Variants in MAGI3 observed in about 807,000 individuals in gnomAD.
The protein encoded by MAGI3 is membrane-associated guanylate kinase, WW and PDZ domain-containing protein 3.
A neutral mutation model predicts 121.8 loss-of-function variants in MAGI3; 43 were observed. That is an observed-to-expected ratio of 0.35 (90% CI 0.28 to 0.46). The LOEUF is 0.46. MAGI3 is among the 20% of genes least tolerant of loss of function. The pLI is 1.00. For synonymous variants in MAGI3, 553 were observed against 639.3 expected (o/e 0.86, Z 2.04); for missense variants, 1,547 against 1,797.3 (o/e 0.86, Z 2.52).
chr1:113,622,454 G>C (rs1650887445), intron 8 of MAGI3, among the ~76,000 whole-genome samples: 2 of 152,116 alleles, frequency 1.3e-5, no homozygotes, highest in Non-Finnish European at 2.9e-5. Flanking sequence ...ATAAATCAAA[G>C]ACTGCAGAAA....
chr1:113,602,288 A>T (rs1649451320), intron 6 of MAGI3, among the ~76,000 whole-genome samples: 2 of 152,178 alleles, frequency 1.3e-5, no homozygotes, highest in African/African-American at 4.8e-5. Flanking sequence ...AGTGGAATAA[A>T]ACTAGAAATC....
intron 9 of MAGI3, among the ~76,000 whole-genome samples, chr1:113,641,029 ATG>A (rs375420609): frequency 0.028 from 610 of 21,686 alleles, 17 homozygotes; most frequent in Non-Finnish European, 0.043. Flanking sequence ...TATAATATAT[ATG>A]ATATATATAA....
chr1:113,547,550 C>T lies in MAGI3; in HGVS notation c.317-1965C>T, dbSNP rs550377794. On this transcript the variant is annotated intron_variant, in intron 1 of 20. Coordinates refer to ENST00000307546, the MANE Select transcript of MAGI3 (RefSeq NM_001142782.2). ...AAAACACCTTTAGACAACTATATAG[C>T]GATCTACGAAAACTTTTGTATAACA... 3.0e-4 allele frequency among the ~76,000 whole-genome samples: 46 copies of T among 152,198 alleles called. No individual in the cohort carries two copies. In the South Asian group the frequency reaches 5.4e-3, roughly 18 times the overall value.
chr1:113,480,572 GTGC>G (rs1656062489), intron 1 of MAGI3, among the ~76,000 whole-genome samples: 9 of 152,196 alleles, frequency 5.9e-5, no homozygotes, highest in Admixed American at 5.9e-4. Context: ...GTGAAGTCAT[GTGC>G]TCACGTTACT....
intron 1 of MAGI3, among the ~76,000 whole-genome samples, chr1:113,409,867 C>G (rs1165155539): frequency 6.6e-6 from 1 of 152,080 alleles, no homozygotes; most frequent in East Asian, 1.9e-4. Context: ...CACTGCTAAA[C>G]CTACTCAGGG....
At chr1:113,579,170 A>T (rs901760334) in intron 2 of MAGI3, among the ~76,000 whole-genome samples, 2 of 152,126 alleles carry the variant, frequency 1.3e-5, no homozygotes, top group African/African-American at 2.4e-5. Flanking sequence ...CTGTGTCAAG[A>T]CTTGGGGCTA....
At chr1:113,527,005 C>T (rs532890260) in intron 1 of MAGI3, among the ~76,000 whole-genome samples, 2 of 152,182 alleles carry the variant, frequency 1.3e-5, no homozygotes, top group South Asian at 4.1e-4. Flanking sequence ...AAAAACAGTA[C>T]TCATTTTATA....
At chr1:113,569,834 T>C (rs761781810) in intron 2 of MAGI3, among the ~76,000 whole-genome samples, 10 of 152,180 alleles carry the variant, frequency 6.6e-5, no homozygotes, top group Non-Finnish European at 1.2e-4. Context: ...TTTGATGATT[T>C]ACTATAATAT....
At chr1:113,656,422 T>TTTC (rs1428541056) in intron 15 of MAGI3, among the ~76,000 whole-genome samples, 1 of 150,804 alleles carries the variant, frequency 6.6e-6, no homozygotes, top group African/African-American at 2.4e-5. Flanking sequence ...TCTTTTTCTT[T>TTTC]TTTTTTTTTT....
At chr1:113,640,289 A>G (rs1168534426) in intron 9 of MAGI3, among the ~76,000 whole-genome samples, 1 of 152,262 alleles carries the variant, frequency 6.6e-6, no homozygotes, top group African/African-American at 2.4e-5. Flanking sequence ...GTGGGAGTAT[A>G]AATTAGTTCA....
intron 2 of MAGI3, among the ~76,000 whole-genome samples, chr1:113,571,711 A>G (rs1048988657): frequency 6.6e-5 from 10 of 152,160 alleles, no homozygotes; most frequent in African/African-American, 2.2e-4. Flanking sequence ...ATTGGTGTAT[A>G]GGAATGCTTG....
intron 1 of MAGI3, among the ~76,000 whole-genome samples, chr1:113,517,287 G>C (rs553868682): frequency 1.3e-4 from 19 of 151,638 alleles, no homozygotes; most frequent in Admixed American, 9.9e-4. Context: ...CTATCTTTAC[G>C]ATTTTTCTGT....
intron 9 of MAGI3, among the ~76,000 whole-genome samples, chr1:113,638,623 G>GGT (rs1652214836): frequency 1.3e-5 from 2 of 152,224 alleles, no homozygotes; most frequent in South Asian, 4.1e-4. Flanking sequence ...GGTCATGTGA[G>GGT]GTGTCAGTCT....
intron 6 of MAGI3, among the ~76,000 whole-genome samples, chr1:113,613,036 T>C (rs1433804658): frequency 6.6e-6 from 1 of 152,132 alleles, no homozygotes; most frequent in East Asian, 1.9e-4. Context: ...AAAAAAATAT[T>C]TTTCATGGAA....
intron 10 of MAGI3, among the ~76,000 whole-genome samples, chr1:113,643,462 A>G (rs1164713716): frequency 1.3e-5 from 2 of 152,196 alleles, no homozygotes; most frequent in African/African-American, 4.8e-5. Context: ...AATGTCACAC[A>G]GGTTTGATGT....
intron 19 of MAGI3, among the ~76,000 whole-genome samples, chr1:113,679,515 ATG>A (rs1648086497): frequency 6.6e-6 from 1 of 152,096 alleles, no homozygotes; most frequent in Non-Finnish European, 1.5e-5. Flanking sequence ...ATTCATCAAC[ATG>A]TGTTTGCTTG....
chr1:113,545,278 C>G (rs1659482474), intron 1 of MAGI3, among the ~76,000 whole-genome samples: 1 of 151,990 alleles, frequency 6.6e-6, no homozygotes, highest in Non-Finnish European at 1.5e-5. Context: ...GGGATGATCA[C>G]CATGAATCAA....
chr1:113,633,513 G>T (rs1483205084), intron 9 of MAGI3, among the ~76,000 whole-genome samples: 2 of 151,856 alleles, frequency 1.3e-5, no homozygotes, highest in African/African-American at 4.8e-5. Flanking sequence ...CGCCCGCCTC[G>T]GCCTCCCAAA....
At chr1:113,447,859 A>G (rs964554692) in intron 1 of MAGI3, among the ~76,000 whole-genome samples, 3 of 152,054 alleles carry the variant, frequency 2.0e-5, no homozygotes, top group East Asian at 3.9e-4. Context: ...TGTCTCAAAA[A>G]AAAAAAATTG....
Sources: gnomAD v4.1 joint callset for allele counts (sites outside exome capture counted in the v4.1 genomes callset) on GRCh38, gnomAD v4.1.1 for gene constraint, MANE v1.5 for transcripts, NCBI Gene and HGNC (gene_info 2026-07-23, HGNC 2026-07-21) for gene names.